Variants in MBD2 observed in about 807,000 individuals in gnomAD.
MBD2 encodes the protein methyl-CpG-binding domain protein 2.
A neutral mutation model predicts 39.3 loss-of-function variants in MBD2; 9 were observed. The observed-to-expected ratio is 0.23, with a 90% confidence interval of 0.14 to 0.40. The LOEUF (loss-of-function observed/expected upper bound fraction) is 0.40, where lower values mean the gene tolerates loss of function less well. Among genes scored for constraint, MBD2 ranks in the 10% least tolerant of loss-of-function variants. MBD2 has a pLI of 1.00. For synonymous variants in MBD2, 233 were observed against 211.1 expected (o/e 1.10, Z -0.90); for missense variants, 458 against 532.6 (o/e 0.86, Z 1.38).
chr18:54,190,417 G>A lies in MBD2; in HGVS notation c.703-1406C>T, dbSNP rs112071882. ...CCACATGGTCCCAGCCTGAGTGAGCGTGAGTGCGACCTGTGATGGGATGGG... is the reference window on the plus strand; with the variant it reads ...CCACATGGTCCCAGCCTGAGTGAGCATGAGTGCGACCTGTGATGGGATGGG... On this transcript the variant is annotated intron_variant, in intron 2 of 6. Coordinates refer to ENST00000256429, the MANE Select transcript of MBD2 (RefSeq NM_003927.5). Among the ~76,000 whole-genome samples, 704 of 152,292 alleles carry A rather than the reference G, an allele frequency of 4.6e-3. 9 individuals are homozygous for A. Among genetic ancestry groups the A allele is most frequent in the African/African-American group, 0.016 (659 of 41,570 alleles).
chr18:54,176,835 C>G (rs2086215454), intron 3 of MBD2, among the ~76,000 whole-genome samples: 1 of 152,196 alleles, frequency 6.6e-6, no homozygotes, highest in African/African-American at 2.4e-5. Context: ...GAGAAGGTTA[C>G]TTCGTGTGGC....
chr18:54,178,720 A>T (rs1276542797), intron 3 of MBD2, among the ~76,000 whole-genome samples: 1 of 152,178 alleles, frequency 6.6e-6, no homozygotes, highest in South Asian at 2.1e-4. Flanking sequence ...AATGAGGAAA[A>T]GCTCATATAC....
rs980587658 is a variant in MBD2 at position 54,217,616 on chromosome 18, C to T, written c.542+6402G>A. On this transcript the variant is annotated intron_variant, in intron 1 of 6. Coordinates refer to ENST00000256429, the MANE Select transcript of MBD2 (RefSeq NM_003927.5). ...AAGTTATGAATTTCTATGAGCCCCA[C>T]TATAGAATCTAAAAACCAAAATCAA... 3.9e-5 allele frequency among the ~76,000 whole-genome samples: 6 copies of T among 152,210 alleles called. No individual in the cohort carries two copies. The East Asian group carries it at 5.8e-4, about 15-fold the overall frequency.
chr18:54,189,936 T>C (rs111985166), intron 2 of MBD2, among the ~76,000 whole-genome samples: 1 of 151,998 alleles, frequency 6.6e-6, no homozygotes, highest in African/African-American at 2.4e-5. Flanking sequence ...GGTGTGAGCC[T>C]CCACACCTGG....
At chr18:54,160,784 A>AAAG (rs906861221) in intron 5 of MBD2, among the ~76,000 whole-genome samples, 7 of 152,232 alleles carry the variant, frequency 4.6e-5, no homozygotes, top group African/African-American at 1.7e-4. Context: ...AAGGTTGAAG[A>AAAG]AAGACAAGAG....
chr18:54,159,892 T>G lies in MBD2; in HGVS notation c.1121A>C (p.Glu374Ala). ...TTTCTTGCGTACTTGCTGTACTCGCTCTTCCTGTTTCCTTTTTAAAAACAG... is the reference window on the plus strand; with the variant it reads ...TTTCTTGCGTACTTGCTGTACTCGCGCTTCCTGTTTCCTTTTTAAAAACAG... ...VTDEDIRKQE[E>A]RVQQVRKKLE... Residue 374 changes from glutamate to alanine, a missense_variant, in exon 6 of 7, where the codon GAG becomes GCG. By Grantham distance (107) the Glu-to-Ala change is moderately radical. Coordinates refer to ENST00000256429, the MANE Select transcript of MBD2 (RefSeq NM_003927.5). 6.2e-7 allele frequency: 1 copy of G among 1,612,074 alleles called. No homozygotes were observed. The highest frequency in any genetic ancestry group is 8.5e-7 in the Non-Finnish European group (1 of 1,180,002).
intron 1 of MBD2, among the ~76,000 whole-genome samples, chr18:54,214,003 CT>C (rs529774043): frequency 3.6e-3 from 462 of 129,266 alleles, no homozygotes; most frequent in South Asian, 7.5e-3. Context: ...TTCTTTCTTT[CT>C]TTTTTTTTTT....
intron 3 of MBD2, among the ~76,000 whole-genome samples, chr18:54,175,956 T>C (rs1217172055): frequency 6.6e-6 from 1 of 152,236 alleles, no homozygotes; most frequent in Non-Finnish European, 1.5e-5. Context: ...ATTTCTTTTC[T>C]TTTTTCTAAT....
intron 2 of MBD2, among the ~76,000 whole-genome samples, chr18:54,204,775 G>A (rs566646986): frequency 6.6e-6 from 1 of 152,274 alleles, no homozygotes; most frequent in Non-Finnish European, 1.5e-5. Flanking sequence ...GCCCCAGTGG[G>A]TCAGAAAGTA....
Position 54,223,181 on chromosome 18 carries a change from G to A in MBD2, c.542+837C>T, listed in dbSNP as rs993428878. Among the ~76,000 whole-genome samples the A allele has an allele frequency of 5.9e-5, 9 of 152,176 alleles. No individual in the cohort carries two copies. In the East Asian group the frequency reaches 1.3e-3, roughly 23 times the overall value. ...ATAGGCACTTTCTTGAGCTTACTGG[G>A]TCACACAAACTGAAGACATCAGCAG... On this transcript the variant is annotated intron_variant, in intron 1 of 6. Transcript: ENST00000256429.
At chr18:54,163,072 G>A (rs2086107995) in intron 5 of MBD2, among the ~76,000 whole-genome samples, 1 of 152,070 alleles carries the variant, frequency 6.6e-6, no homozygotes, top group South Asian at 2.1e-4. Context: ...AGGAGTTCAA[G>A]ACCAGCCTGG....
chr18:54,207,298 G>A (rs2086458468), intron 1 of MBD2, among the ~76,000 whole-genome samples: 1 of 152,110 alleles, frequency 6.6e-6, no homozygotes. Flanking sequence ...CTATCAAAAA[G>A]CTATTAAATC....
chr18:54,195,194 C>A (rs2086355705), intron 2 of MBD2, among the ~76,000 whole-genome samples: 1 of 151,994 alleles, frequency 6.6e-6, no homozygotes, highest in South Asian at 2.1e-4. Flanking sequence ...AGTTTGAGCA[C>A]CAGGGACTTA....
chr18:54,221,385 G>A (rs534840080), intron 1 of MBD2, among the ~76,000 whole-genome samples: 3 of 151,774 alleles, frequency 2.0e-5, no homozygotes, highest in African/African-American at 7.3e-5. Context: ...GTGAACCCAG[G>A]AGGCAGGGCT....
chr18:54,195,807 C>T (rs955539429), intron 2 of MBD2, among the ~76,000 whole-genome samples: 1 of 152,004 alleles, frequency 6.6e-6, no homozygotes, highest in Non-Finnish European at 1.5e-5. Flanking sequence ...ATTTATTTAA[C>T]CTAAACAGGT....
At chr18:54,220,998 T>G (rs2086606945) in intron 1 of MBD2, among the ~76,000 whole-genome samples, 1 of 152,210 alleles carries the variant, frequency 6.6e-6, no homozygotes, top group South Asian at 2.1e-4. Flanking sequence ...TGAAACAGGT[T>G]TGGCACAAAT....
intron 3 of MBD2, among the ~76,000 whole-genome samples, chr18:54,170,428 C>T (rs561834939): frequency 3.3e-5 from 5 of 152,284 alleles, no homozygotes; most frequent in East Asian, 3.9e-4. Flanking sequence ...AACAACTCCT[C>T]GCCACCATTC....
chr18:54,163,300 T>G (rs1430441879), intron 5 of MBD2, among the ~76,000 whole-genome samples: 1 of 151,956 alleles, frequency 6.6e-6, no homozygotes, highest in Non-Finnish European at 1.5e-5. Flanking sequence ...AGAACAAATA[T>G]AAAACATCTT....
rs187053073 is a variant in MBD2 at position 54,210,550 on chromosome 18, T to C, written c.543-5393A>G. On this transcript the variant is annotated intron_variant, in intron 1 of 6. Transcript: ENST00000256429. The stretch of plus-strand genomic sequence containing the variant: ...ACCTTTTCTTGTTTCTTTGATAACA[T>C]GGATAATCATAATGTTCAGTCAAAC... 4.6e-5 allele frequency among the ~76,000 whole-genome samples: 7 copies of C among 152,324 alleles called. 1 individual carries two copies. Among genetic ancestry groups the C allele is most frequent in the Admixed American group, 3.9e-4 (6 of 15,298 alleles).
Sources: gnomAD v4.1 joint callset for allele counts (sites outside exome capture counted in the v4.1 genomes callset) on GRCh38, gnomAD v4.1.1 for gene constraint, MANE v1.5 for transcripts, NCBI Gene and HGNC (gene_info 2026-07-23, HGNC 2026-07-21) for gene names.